CRIM1: variants seen among roughly 807,000 people sequenced by gnomAD.
CRIM1 encodes cysteine-rich motor neuron 1 protein.
A neutral mutation model predicts 116.4 loss-of-function variants in CRIM1; 32 were observed. That is an observed-to-expected ratio of 0.27 (90% CI 0.21 to 0.37). CRIM1 has a LOEUF of 0.37. Among genes scored for constraint, CRIM1 ranks in the 10% least tolerant of loss-of-function variants. The pLI, the probability that CRIM1 is intolerant of heterozygous loss-of-function variation, is 1.00. For missense variants in CRIM1, 1,331 were observed against 1,354.8 expected (o/e 0.98, Z 0.28); for synonymous variants, 590 against 509.2 (o/e 1.16, Z -2.13).
chr2:36,537,272 A>T, intron 13 of CRIM1, 80 bp from the exon 14 acceptor site: 4 of 1,295,932 alleles, frequency 3.1e-6, no homozygotes, highest in Non-Finnish European at 3.3e-6. Context: ...ATACAAAGCT[A>T]TCCCTTGATC....
chr2:36,389,638 A>G (rs116419561), intron 1 of CRIM1, among the ~76,000 whole-genome samples: 8 of 152,302 alleles, frequency 5.3e-5, no homozygotes, highest in African/African-American at 1.7e-4. Context: ...AGTAAACTCT[A>G]TTAACCTAAA....
chr2:36,527,355 T>C (rs1249357032), intron 13 of CRIM1, among the ~76,000 whole-genome samples: 3 of 152,016 alleles, frequency 2.0e-5, no homozygotes, highest in Non-Finnish European at 4.4e-5. Context: ...AAAAATTTCT[T>C]ACAGGTTGTA....
At chr2:36,411,916 C>T (rs1673239812) in intron 2 of CRIM1, among the ~76,000 whole-genome samples, 1 of 152,154 alleles carries the variant, frequency 6.6e-6, no homozygotes, top group Non-Finnish European at 1.5e-5. Flanking sequence ...ATTATTCAAA[C>T]TGCTTCCATT....
At chr2:36,496,562 T>G (rs1433511243) in intron 7 of CRIM1, among the ~76,000 whole-genome samples, 2 of 152,220 alleles carry the variant, frequency 1.3e-5, no homozygotes, top group Admixed American at 6.5e-5. Flanking sequence ...ATGGGACTTG[T>G]TTTACCTGAA....
At chr2:36,517,726 C>A (rs1241788350) in intron 12 of CRIM1, among the ~76,000 whole-genome samples, 184 bp downstream of exon 12, 1 of 152,206 alleles carries the variant, frequency 6.6e-6, no homozygotes, top group East Asian at 1.9e-4. Flanking sequence ...CCTATTTATG[C>A]AGTCAGCATG....
intron 2 of CRIM1, among the ~76,000 whole-genome samples, chr2:36,406,975 A>G (rs1363111575): frequency 6.6e-6 from 1 of 152,164 alleles, no homozygotes; most frequent in Non-Finnish European, 1.5e-5. Flanking sequence ...TGACATGAGC[A>G]GAGGATCTGG....
At chr2:36,376,130 C>T (rs1291679593) in intron 1 of CRIM1, among the ~76,000 whole-genome samples, 2 of 152,170 alleles carry the variant, frequency 1.3e-5, no homozygotes, top group African/African-American at 4.8e-5. Context: ...CCTGTAGCTC[C>T]TGTTGGAACC....
chr2:36,362,654 T>G (rs1424385109), intron 1 of CRIM1, among the ~76,000 whole-genome samples: 1 of 152,162 alleles, frequency 6.6e-6, no homozygotes, highest in Non-Finnish European at 1.5e-5. Flanking sequence ...AACCTCTGTT[T>G]AGTCAAGACT....
intron 4 of CRIM1, among the ~76,000 whole-genome samples, chr2:36,455,823 G>T (rs1428031515): frequency 2.0e-5 from 3 of 152,174 alleles, no homozygotes; most frequent in Non-Finnish European, 4.4e-5. Flanking sequence ...GAGTTTGTCT[G>T]CAGAGGAAAG....
chr2:36,435,425 A>T (rs577992938), intron 2 of CRIM1, among the ~76,000 whole-genome samples: 2 of 152,028 alleles, frequency 1.3e-5, no homozygotes, highest in African/African-American at 4.8e-5. Context: ...TGTCAGATGT[A>T]TGGGACTCTA....
intron 13 of CRIM1, among the ~76,000 whole-genome samples, chr2:36,522,986 ACT>A (rs1665513549): frequency 6.7e-6 from 1 of 148,826 alleles, no homozygotes. Flanking sequence ...ACAGATTCTC[ACT>A]CTGTCACCCA....
intron 4 of CRIM1, among the ~76,000 whole-genome samples, chr2:36,447,049 C>T (rs929365843): frequency 2.6e-5 from 4 of 152,186 alleles, no homozygotes; most frequent in African/African-American, 7.2e-5. Context: ...GCAGTCACAC[C>T]TTAAATGTGT....
Position 36,519,679 on chromosome 2 carries a change from T to G in CRIM1, c.2206+2137T>G, listed in dbSNP as rs147586961. Among the ~76,000 whole-genome samples the G allele has an allele frequency of 5.3e-3, 809 of 152,324 alleles. 6 individuals are homozygous for G. The highest frequency in any genetic ancestry group is 0.019 in the African/African-American group (782 of 41,572). ...CAAAGGGTCGAATCCCTCATGATGC[T>G]TCCATCTGTAGGGTGCCTTGTCATT... On this transcript the variant is annotated intron_variant, in intron 12 of 16. Coordinates refer to ENST00000280527, the MANE Select transcript of CRIM1 (RefSeq NM_016441.3).
Position 36,500,474 on chromosome 2 carries a change from C to G in CRIM1, c.1501+1127C>G, listed in dbSNP as rs115933347. 9.5e-3 allele frequency among the ~76,000 whole-genome samples: 1,453 copies of G among 152,236 alleles called. 33 individuals are homozygous for G. The highest frequency in any genetic ancestry group is 0.033 in the African/African-American group (1,388 of 41,522). On this transcript the variant is annotated intron_variant, in intron 8 of 16. Coordinates refer to ENST00000280527, the MANE Select transcript of CRIM1 (RefSeq NM_016441.3). Reference sequence around the variant, plus strand: ...AACACTAGGAACTTTTTTACATCACCTGCTGTTAGGTGGTTCTCATCTGTT... The same window carrying G: ...AACACTAGGAACTTTTTTACATCACGTGCTGTTAGGTGGTTCTCATCTGTT...
At chr2:36,544,121 C>T (rs748702093) in intron 14 of CRIM1, among the ~76,000 whole-genome samples, 6 of 152,132 alleles carry the variant, frequency 3.9e-5, no homozygotes, top group South Asian at 4.1e-4. Flanking sequence ...CACCATTTGA[C>T]GTGAAAAAGC....
chr2:36,372,496 C>T (rs966298155), intron 1 of CRIM1, among the ~76,000 whole-genome samples: 1 of 152,014 alleles, frequency 6.6e-6, no homozygotes, highest in African/African-American at 2.4e-5. Context: ...AAATTAAAAC[C>T]TTGATACATT....
At chr2:36,436,063 C>G (rs542186496) in intron 2 of CRIM1, among the ~76,000 whole-genome samples, 2 of 151,536 alleles carry the variant, frequency 1.3e-5, no homozygotes, top group South Asian at 4.2e-4. Context: ...ATTAAAAATT[C>G]AGAAGTAATG....
chr2:36,360,495 C>G (rs1220408116), intron 1 of CRIM1, among the ~76,000 whole-genome samples: 2 of 152,186 alleles, frequency 1.3e-5, no homozygotes. Context: ...GGAATTTTAA[C>G]TGTTCCTTTT....
chr2:36,532,779 T>G (rs1027561653), intron 13 of CRIM1, among the ~76,000 whole-genome samples: 1 of 152,138 alleles, frequency 6.6e-6, no homozygotes, highest in African/African-American at 2.4e-5. Context: ...TGTGCCTCAT[T>G]TTTCTGTAGA....
Sources: allele counts gnomAD v4.1 joint callset (sites outside exome capture counted in the v4.1 genomes callset), GRCh38; gene constraint gnomAD v4.1.1; transcripts MANE v1.5; gene names NCBI Gene and HGNC (gene_info 2026-07-23, HGNC 2026-07-21).